Variants in CDH12 observed in about 807,000 individuals in gnomAD.
CDH12 encodes the protein cadherin 12, also known as cadherin-12.
CDH12 carries 41 observed loss-of-function variants against 74.1 expected under a neutral mutation model. That is an observed-to-expected ratio of 0.55 (90% CI 0.43 to 0.72). The LOEUF is 0.72. Among genes scored for constraint, CDH12 ranks in the 30% least tolerant of loss-of-function variants. CDH12 has a pLI of 0.00. For synonymous variants in CDH12, 399 were observed against 355.0 expected (o/e 1.12, Z -1.39); for missense variants, 945 against 977.2 (o/e 0.97, Z 0.44).
At chr5:21,880,619 CTTTCTTT>C (rs1561268462) in intron 6 of CDH12, among the ~76,000 whole-genome samples, 6 of 50,552 alleles carry the variant, frequency 1.2e-4, no homozygotes, top group African/African-American at 4.2e-4. Flanking sequence ...TTCCTTCCTT[CTTTCTTT>C]CTTTCTTTCT....
intron 3 of CDH12, among the ~76,000 whole-genome samples, chr5:22,362,223 C>T (rs1221322393): frequency 6.6e-6 from 1 of 152,004 alleles, no homozygotes; most frequent in Non-Finnish European, 1.5e-5. Context: ...AGAACTCAAA[C>T]AAATTTACAA....
chr5:22,096,003 C>G (rs1301111722), intron 4 of CDH12, among the ~76,000 whole-genome samples: 10 of 151,968 alleles, frequency 6.6e-5, no homozygotes, highest in Middle Eastern at 3.4e-3. Flanking sequence ...GCCCCAACCC[C>G]TTTCCTGCTT....
intron 4 of CDH12, among the ~76,000 whole-genome samples, chr5:22,190,628 C>T (rs1456831282): frequency 6.6e-6 from 1 of 152,136 alleles, no homozygotes; most frequent in Non-Finnish European, 1.5e-5. Flanking sequence ...TGAGTTCCTC[C>T]TCTTATCTCT....
At chr5:22,030,007 G>A (rs566976627) in intron 5 of CDH12, among the ~76,000 whole-genome samples, 43 of 149,392 alleles carry the variant, frequency 2.9e-4, no homozygotes, top group African/African-American at 7.6e-4. Flanking sequence ...GTAAACTATC[G>A]CAAGGACAAA....
intron 1 of CDH12, among the ~76,000 whole-genome samples, chr5:22,644,198 G>T (rs1266013978): frequency 1.3e-5 from 2 of 152,052 alleles, no homozygotes; most frequent in Non-Finnish European, 2.9e-5. Flanking sequence ...GCTAAAAATG[G>T]TGAAGCATAG....
At chr5:22,574,532 C>A (rs1010012374) in intron 1 of CDH12, among the ~76,000 whole-genome samples, 9 of 152,198 alleles carry the variant, frequency 5.9e-5, no homozygotes, top group African/African-American at 2.2e-4. Context: ...TCTGTACCTT[C>A]CACATATAGT....
rs1744945892 is a variant in CDH12, at chr5:21,765,095, G to A, written c.1398C>T (p.Asn466=). Residue 466 remains asparagine (N), a synonymous_variant, in exon 12 of 15, where the codon AAC becomes AAT. Transcript: ENST00000382254. ...TATTGACTTTGCTGGTCAATAAAGGGTTACCTGTTAAAAACATATAAAGAT... is the reference window on the plus strand; with the variant it reads ...TATTGACTTTGCTGGTCAATAAAGGATTACCTGTTAAAAACATATAAAGAT... ...NFSIIASKVS[N]PLLTSKVNIL... 5 of 1,567,210 alleles carry A rather than the reference G, an allele frequency of 3.2e-6. No individual in the cohort carries two copies. Among genetic ancestry groups the A allele is most frequent in the Non-Finnish European group, 2.6e-6 (3 of 1,159,734 alleles).
rs77313390 is a variant in CDH12, at chr5:22,771,932, G to A, written c.-523+81126C>T. Among the ~76,000 whole-genome samples the A allele has an allele frequency of 2.3e-3, 354 of 151,966 alleles. 12 individuals carry two copies. The East Asian group carries it at 0.056, about 24-fold the overall frequency. Reference sequence around the variant, plus strand: ...GTATATGATATATATAAACACACACGCACACATATATGTTCTATTAGTTCT... The same window carrying A: ...GTATATGATATATATAAACACACACACACACATATATGTTCTATTAGTTCT... On this transcript the variant is annotated intron_variant, in intron 1 of 14. Transcript: ENST00000382254.
At chr5:21,925,728 C>T (rs575659773) in intron 6 of CDH12, among the ~76,000 whole-genome samples, 2 of 152,078 alleles carry the variant, frequency 1.3e-5, no homozygotes, top group South Asian at 4.1e-4. Context: ...TAGATATATG[C>T]AATAATTGAT....
chr5:21,972,634 A>T (rs1037797637), intron 6 of CDH12, among the ~76,000 whole-genome samples: 1 of 152,140 alleles, frequency 6.6e-6, no homozygotes, highest in African/African-American at 2.4e-5. Context: ...GCTTAGTTGT[A>T]AGTTGGAAAT....
At chr5:22,849,108 T>C (rs1210119741) in intron 1 of CDH12, among the ~76,000 whole-genome samples, 2 of 152,098 alleles carry the variant, frequency 1.3e-5, no homozygotes, top group Admixed American at 6.6e-5. Context: ...GCTGTGGCTG[T>C]AGTTATCCTC....
intron 1 of CDH12, among the ~76,000 whole-genome samples, chr5:22,659,260 A>G (rs1740223962): frequency 6.6e-6 from 1 of 152,080 alleles, no homozygotes; most frequent in African/African-American, 2.4e-5. Flanking sequence ...TGGGAATGTG[A>G]TTTTGTACCT....
At chr5:21,810,049 AC>A (rs1747663324) in intron 9 of CDH12, among the ~76,000 whole-genome samples, 1 of 152,112 alleles carries the variant, frequency 6.6e-6, no homozygotes, top group Non-Finnish European at 1.5e-5. Context: ...GAACCACAAT[AC>A]CATTGGTAGA....
intron 1 of CDH12, among the ~76,000 whole-genome samples, chr5:22,830,354 T>C (rs1039479224): frequency 1.3e-5 from 2 of 152,170 alleles, no homozygotes; most frequent in Non-Finnish European, 2.9e-5. Flanking sequence ...TATGTATACA[T>C]GTATATATAT....
rs892726828 is a variant in CDH12, at chr5:22,748,766, T to C, written c.-523+104292A>G. Reference sequence around the variant, plus strand: ...TCCATATTAAGTTTATTATGGTAAATGCCACTCACCAAATCTCTTCTTTAG... The same window carrying C: ...TCCATATTAAGTTTATTATGGTAAACGCCACTCACCAAATCTCTTCTTTAG... On this transcript the variant is annotated intron_variant, in intron 1 of 14. Transcript: ENST00000382254. Among the ~76,000 whole-genome samples, 4 of 152,332 alleles carry C rather than the reference T, an allele frequency of 2.6e-5. No individual in the cohort carries two copies. In the South Asian group the frequency reaches 8.3e-4, roughly 32 times the overall value.
chr5:22,261,906 GT>G (rs1232188135), intron 3 of CDH12, among the ~76,000 whole-genome samples: 3 of 151,626 alleles, frequency 2.0e-5, no homozygotes, highest in African/African-American at 4.8e-5. Flanking sequence ...CCCAATCTCA[GT>G]TTTTTACATA....
intron 1 of CDH12, among the ~76,000 whole-genome samples, chr5:22,748,713 G>A (rs2127030237): frequency 6.6e-6 from 1 of 152,282 alleles, no homozygotes; most frequent in African/African-American, 2.4e-5. Flanking sequence ...AGTAGAGACT[G>A]TAGCGATTGT....
At chr5:22,043,858 T>G (rs1344291090) in intron 5 of CDH12, among the ~76,000 whole-genome samples, 1 of 152,014 alleles carries the variant, frequency 6.6e-6, no homozygotes, top group East Asian at 1.9e-4. Flanking sequence ...AAATACTAAG[T>G]AACACAGGAA....
chr5:22,119,288 T>G (rs72742009), intron 4 of CDH12, among the ~76,000 whole-genome samples: 17 of 118,716 alleles, frequency 1.4e-4, no homozygotes, highest in South Asian at 8.8e-4. Context: ...CTACTTCGTT[T>G]TTTTTTTTTT....
Sources: allele counts gnomAD v4.1 joint callset (sites outside exome capture counted in the v4.1 genomes callset), GRCh38; gene constraint gnomAD v4.1.1; transcripts MANE v1.5; gene names NCBI Gene and HGNC (gene_info 2026-07-23, HGNC 2026-07-21).